The following AVEN variants were observed in gnomAD, a reference collection of about 807,000 sequenced individuals.
The protein encoded by AVEN is apoptosis and caspase activation inhibitor.
In AVEN, 41 loss-of-function variants were observed where a neutral mutation model predicts 38.1. The observed-to-expected ratio is 1.08, with a 90% CI of 0.84 to 1.40. The LOEUF is 1.40. Among genes scored for constraint, AVEN ranks in the 40% most tolerant of loss-of-function variants. The pLI is 0.00. For missense variants in AVEN, 605 were observed against 438.8 expected (o/e 1.38, Z -3.38); for synonymous variants, 206 against 171.8 (o/e 1.20, Z -1.56).
chr15:34,068,120 A>ATGTG (rs4041440), intron 2 of AVEN, among the ~76,000 whole-genome samples: 18 of 150,400 alleles, frequency 1.2e-4, no homozygotes, highest in Non-Finnish European at 1.8e-4. Flanking sequence ...CTCTCTCTGT[A>ATGTG]TGTGTGTGTG....
intron 2 of AVEN, among the ~76,000 whole-genome samples, chr15:33,947,903 T>C (rs1365384990): frequency 1.3e-5 from 2 of 152,126 alleles, no homozygotes; most frequent in African/African-American, 4.8e-5. Context: ...ATTACAGCAA[T>C]AGATTTCTGC....
intron 2 of AVEN, among the ~76,000 whole-genome samples, chr15:33,893,314 G>A (rs1049273438): frequency 1.3e-5 from 2 of 152,204 alleles, no homozygotes; most frequent in African/African-American, 4.8e-5. Flanking sequence ...CAAAGGGAAT[G>A]CTTCCAGTTT....
downstream of AVEN, chr15:33,865,055 C>CAAAG (rs1300666688): frequency 7.8e-6 from 9 of 1,158,246 alleles, no homozygotes; most frequent in African/African-American, 1.1e-4. Flanking sequence ...AAGGGAGCCA[C>CAAAG]AAAGAACAAA....
chr15:33,966,783 C>T (rs555082465), intron 2 of AVEN, among the ~76,000 whole-genome samples: 1 of 152,176 alleles, frequency 6.6e-6, no homozygotes, highest in South Asian at 2.1e-4. Flanking sequence ...AAGTGGACAG[C>T]CAAATGTTAT....
At chr15:34,046,343 G>GAA (rs56286203) in intron 5 of AVEN, among the ~76,000 whole-genome samples, 11,751 of 141,218 alleles carry the variant, frequency 0.083, 1,104 homozygotes, top group African/African-American at 0.23. Context: ...AGTGAGGCAG[G>GAA]AAAAAAAAAA....
chr15:33,858,183 T>C, downstream of AVEN: 1 of 399,662 alleles, frequency 2.5e-6, no homozygotes, highest in South Asian at 6.2e-5. Flanking sequence ...ATCATTCATC[T>C]ATTTCCGGGG....
intron 2 of AVEN, chr15:33,883,807 A>C (rs1413052029): frequency 1.3e-5 from 2 of 152,188 alleles, no homozygotes; most frequent in Admixed American, 1.3e-4. Context: ...AAAAAGCTCA[A>C]TTTTCTTGAG....
chr15:34,014,703 C>T (rs73387957), intron 1 of AVEN, among the ~76,000 whole-genome samples: 2,242 of 152,248 alleles, frequency 0.015, 63 homozygotes, highest in African/African-American at 0.052. Flanking sequence ...GAAAGTTCAG[C>T]GGGCCCATCT....
intron 2 of AVEN, among the ~76,000 whole-genome samples, chr15:33,988,964 T>C (rs918853481): frequency 2.6e-5 from 4 of 152,258 alleles, no homozygotes; most frequent in African/African-American, 9.6e-5. Flanking sequence ...ATTTGATTTT[T>C]TTTTCCTTTG....
At chr15:33,867,359 C>A (rs768810356) in intron 5 of AVEN, 136 bp downstream of exon 5, 2 of 1,268,774 alleles carry the variant, frequency 1.6e-6, no homozygotes, top group African/African-American at 3.0e-5. Context: ...GACGTGAGCA[C>A]AGAAATAGAT....
At chr15:33,991,291 T>C (rs1032437362) in intron 2 of AVEN, 2 of 152,172 alleles carry the variant, frequency 1.3e-5, no homozygotes, top group Admixed American at 6.5e-5. Flanking sequence ...GAGGATTATT[T>C]TGCAAAACAA....
intron 2 of AVEN, among the ~76,000 whole-genome samples, chr15:33,888,624 T>G (rs1278794381): frequency 6.6e-6 from 1 of 152,214 alleles, no homozygotes; most frequent in African/African-American, 2.4e-5. Flanking sequence ...TATTAATGTT[T>G]ATAGTCAATG....
Position 33,905,598 on chromosome 15 carries a change from G to C in AVEN, c.446-29603C>G, listed in dbSNP as rs138622778. 3.6e-3 allele frequency among the ~76,000 whole-genome samples: 545 copies of C among 152,332 alleles called. 7 individuals carry two copies. The highest frequency in any genetic ancestry group is 0.031 in the South Asian group (149 of 4,828). ...CCAGCATTTTGGGAGGCCGAGGTGG[G>C]CCTATTGCTTGAGCTCAGGAGTTTA... On this transcript the variant is annotated intron_variant, in intron 2 of 5. Coordinates refer to ENST00000306730, the MANE Select transcript of AVEN (RefSeq NM_020371.3).
chr15:34,047,748 C>CTTTGT (rs1055432461), intron 5 of AVEN, among the ~76,000 whole-genome samples: 2 of 127,614 alleles, frequency 1.6e-5, no homozygotes, highest in African/African-American at 2.9e-5. Flanking sequence ...CTTGTTTTGT[C>CTTTGT]TTTGTTTTGT....
chr15:33,948,101 C>CTT (rs149409619), intron 2 of AVEN, among the ~76,000 whole-genome samples: 231 of 139,618 alleles, frequency 1.7e-3, no homozygotes, highest in South Asian at 4.1e-3. Flanking sequence ...TTTTTCTTTT[C>CTT]TTTTTTTTTT....
chr15:34,001,472 T>G (rs146402859), intron 2 of AVEN, among the ~76,000 whole-genome samples: 263 of 152,350 alleles, frequency 1.7e-3, no homozygotes, highest in African/African-American at 6.0e-3. Context: ...CCCCTAGATC[T>G]TCTGGCAGAA....
At chr15:33,943,823 TA>T (rs71119905) in intron 2 of AVEN, among the ~76,000 whole-genome samples, 53,819 of 88,718 alleles carry the variant, frequency 0.61, 17,673 homozygotes, top group Non-Finnish European at 0.74. Context: ...ACTCCGTCTT[TA>T]AAAAAAAAAA....
intron 2 of AVEN, among the ~76,000 whole-genome samples, chr15:33,995,199 G>C (rs1411722511): frequency 1.3e-5 from 2 of 152,154 alleles, no homozygotes; most frequent in Non-Finnish European, 2.9e-5. Context: ...AGGAGGTCAA[G>C]GCTGCAGTGA....
chr15:33,853,224 G>A, the AVEN span: 1 of 920,858 alleles, frequency 1.1e-6, no homozygotes, highest in East Asian at 2.7e-5. Context: ...AGTCACAGAA[G>A]GGGTTGGATA....
Sources: allele counts gnomAD v4.1 joint callset (sites outside exome capture counted in the v4.1 genomes callset), GRCh38; gene constraint gnomAD v4.1.1; transcripts MANE v1.5; gene names NCBI Gene and HGNC (gene_info 2026-07-23, HGNC 2026-07-21).